The following ANKRD36 variants were observed in gnomAD, a reference collection of about 807,000 sequenced individuals.
The protein encoded by ANKRD36 is ankyrin repeat domain-containing protein 36A.
ANKRD36 carries 179 observed loss-of-function variants against 278.1 expected under a neutral mutation model. The observed-to-expected ratio is 0.64, with a 90% CI of 0.57 to 0.73. The LOEUF (loss-of-function observed/expected upper bound fraction) is 0.73, where lower values mean the gene tolerates loss of function less well. Among genes scored for constraint, ANKRD36 ranks in the 30% least tolerant of loss-of-function variants. The pLI, the probability that ANKRD36 is intolerant of heterozygous loss-of-function variation, is 0.00. For missense variants in ANKRD36, 1,159 were observed against 1,956.7 expected, an observed-to-expected ratio of 0.59 and a Z score of 7.69; for synonymous variants, 320 against 641.1, an observed-to-expected ratio of 0.50 and a Z score of 7.57.
In ANKRD36 at chr2:97,152,518, G is replaced by C. The variant is rs760221752; in HGVS notation, c.1177G>C (p.Glu393Gln). The part of the protein sequence containing the change: ...RSIKDVLPPV[E>Q]EAVDRCLYLL... ...TTCTTTAATAGTGCTTCCTCCTGTT[G>C]AAGAGGCTGTTGACAGGTATGATTT... The change falls in exon 14 of 76, where the codon GAA (glutamate) becomes CAA (glutamine). Residue 393 changes from glutamate (E) to glutamine (Q), a missense_variant. Transcript: ENST00000420699. 1.3e-5 allele frequency: 19 copies of C among 1,476,902 alleles called. No individual in the cohort carries two copies. In the South Asian group the frequency reaches 2.1e-4, roughly 16 times the overall value. The allele number at this position is 1,476,902 out of a possible 1,614,324, so 91.5% of individuals were successfully genotyped here.
chr2:97,186,962 A>G (rs1668263067), intron 30 of ANKRD36, among the ~76,000 whole-genome samples: 2 of 151,976 alleles, frequency 1.3e-5, no homozygotes, highest in Admixed American at 6.6e-5. Context: ...TTTTTCTTTT[A>G]GATATACGAG....
intron 50 of ANKRD36, among the ~76,000 whole-genome samples, chr2:97,205,601 A>G (rs1215187107): frequency 6.6e-6 from 1 of 151,510 alleles, no homozygotes; most frequent in Non-Finnish European, 1.5e-5. Flanking sequence ...CTGCTTTGAC[A>G]TTGATTCTCA....
rs373971301 is a variant in ANKRD36 at position 97,123,957 on chromosome 2, T to TTTTA, written c.594-502_594-501insTTAT. Among the ~76,000 whole-genome samples, 18 of 141,806 alleles carry TTTTA rather than the reference T, an allele frequency of 1.3e-4. No individual in the cohort carries two copies. The East Asian group carries it at 2.6e-3, about 20-fold the overall frequency. 93.0% of individuals were successfully genotyped at this position (141,806 alleles called of 152,430 possible). ...AAGGATATATTATTATCCTCCATAT[T>TTTTA]TATATATATATATATATAGTGTTTA... is the stretch of plus-strand genomic sequence containing the variant. On this transcript the variant is annotated intron_variant, in intron 4 of 75. Transcript: ENST00000420699.
At chr2:97,221,487 A>T (rs1231319053) in intron 66 of ANKRD36, among the ~76,000 whole-genome samples, 2 of 113,694 alleles carry the variant, frequency 1.8e-5, no homozygotes, top group African/African-American at 8.2e-5. Flanking sequence ...GTGTGAGATG[A>T]TATCTCATAG....
chr2:97,174,671 G>A (rs1420271273), intron 22 of ANKRD36, among the ~76,000 whole-genome samples: 1 of 151,762 alleles, frequency 6.6e-6, no homozygotes, highest in South Asian at 2.1e-4. Flanking sequence ...TGTTGAATAG[G>A]AGTGGTGAGA....
intron 62 of ANKRD36, chr2:97,216,864 T>A (rs2066061017): frequency 3.2e-6 from 2 of 621,526 alleles, no homozygotes; most frequent in African/African-American, 3.7e-5. Flanking sequence ...TATGAGTTGA[T>A]CCTCTGATTT....
chr2:97,198,400 G>C, intron 42 of ANKRD36, 63 bp from the exon 43 acceptor site: 3 of 1,552,636 alleles, frequency 1.9e-6, no homozygotes, highest in Non-Finnish European at 2.6e-6. Context: ...AACACTGTAT[G>C]AATGTATGGA....
chr2:97,202,252 T>G (rs199632377), intron 47 of ANKRD36, 22 bp downstream of exon 47: 12 of 1,608,098 alleles, frequency 7.5e-6, no homozygotes, highest in Non-Finnish European at 9.3e-6. Context: ...CCCATTTATC[T>G]TGTGAACGAG....
chr2:97,186,835 T>C (rs541203319), intron 30 of ANKRD36, among the ~76,000 whole-genome samples: 1 of 152,010 alleles, frequency 6.6e-6, no homozygotes, highest in South Asian at 2.1e-4. Context: ...AAAAGACATG[T>C]GGGTGCATGT....
At chr2:97,196,322 A>T (rs1235346534) in intron 40 of ANKRD36, among the ~76,000 whole-genome samples, 2 of 88,380 alleles carry the variant, frequency 2.3e-5, no homozygotes, top group East Asian at 4.8e-4. Flanking sequence ...ACTCGGCCTA[A>T]GACATTGATA....
chr2:97,198,310 G>A (rs1411868321), intron 42 of ANKRD36, 153 bp from the exon 43 acceptor site: 40 of 1,469,644 alleles, frequency 2.7e-5, no homozygotes, highest in Middle Eastern at 2.4e-4. Context: ...GCGTATTTCT[G>A]TCACGTTCTA....
In ANKRD36 at chr2:97,118,354, T is replaced by C. The variant is rs1466509135; in HGVS notation, c.323T>C (p.Leu108Pro). 2 of 1,610,526 alleles carry C rather than the reference T, an allele frequency of 1.2e-6. No individual in the cohort carries two copies. Among genetic ancestry groups the C allele is most frequent in the Non-Finnish European group, 1.7e-6 (2 of 1,178,784 alleles). Residue 108 changes from leucine to proline, a missense_variant, in exon 3 of 76, where the codon CTG becomes CCG. Transcript: ENST00000420699. ...GTCTAATACTGACAGGCTGTACAAC[T>C]GAGGCAGGAGGCTTGTGCAACTCTT... The part of the protein sequence containing the change: ...DRTPLIKAVQ[L>P]RQEACATLLL...
chr2:97,135,152 AT>A (rs775609824), intron 6 of ANKRD36, among the ~76,000 whole-genome samples: 1 of 151,914 alleles, frequency 6.6e-6, no homozygotes, highest in Non-Finnish European at 1.5e-5. Context: ...ATAGATCTAG[AT>A]TTTTTGAATT....
chr2:97,142,409 T>C (rs896140413), intron 6 of ANKRD36, among the ~76,000 whole-genome samples: 14 of 152,066 alleles, frequency 9.2e-5, no homozygotes, highest in Non-Finnish European at 1.5e-4. Flanking sequence ...TTTAGACATA[T>C]GAAAAATCAT....
chr2:97,144,961 A>C (rs2043881689), intron 10 of ANKRD36, among the ~76,000 whole-genome samples: 1 of 151,974 alleles, frequency 6.6e-6, no homozygotes, highest in Non-Finnish European at 1.5e-5. Flanking sequence ...TTCAAGATAC[A>C]AGAGTCTGAG....
At chr2:97,220,121 T>G (rs1176433247) in intron 66 of ANKRD36, among the ~76,000 whole-genome samples, 1 of 140,466 alleles carries the variant, frequency 7.1e-6, no homozygotes, top group East Asian at 2.2e-4. Context: ...ATGAGTAAAT[T>G]GTAGGTGTTT....
At chr2:97,192,943 C>T in intron 37 of ANKRD36, 38 bp from the exon 38 acceptor site, 2 of 1,591,338 alleles carry the variant, frequency 1.3e-6, no homozygotes, top group Non-Finnish European at 1.7e-6. Flanking sequence ...ATGAAACATA[C>T]TTTATTAATT....
intron 30 of ANKRD36, among the ~76,000 whole-genome samples, chr2:97,185,771 G>A (rs907866228): frequency 6.6e-6 from 1 of 151,754 alleles, no homozygotes; most frequent in African/African-American, 2.4e-5. Context: ...AAGGGGTTCA[G>A]GGGACAGCAT....
At chr2:97,158,823 C>T (rs560820689) in intron 17 of ANKRD36, among the ~76,000 whole-genome samples, 168 bp downstream of exon 17, 3 of 151,914 alleles carry the variant, frequency 2.0e-5, no homozygotes, top group East Asian at 2.0e-4. Context: ...GTCTTTATAA[C>T]GATGACAAGG....
Sources: gnomAD v4.1 joint callset for allele counts (sites outside exome capture counted in the v4.1 genomes callset) on GRCh38, gnomAD v4.1.1 for gene constraint, MANE v1.5 for transcripts, NCBI Gene and HGNC (gene_info 2026-07-23, HGNC 2026-07-21) for gene names.